The following ZNF469 variants were observed in gnomAD, a reference collection of about 807,000 sequenced individuals.
The protein encoded by ZNF469 is zinc finger protein 469.
A neutral mutation model predicts 1.0 loss-of-function variants in ZNF469; 1 was observed. That is an observed-to-expected ratio of 1.00 (90% CI 0.35 to 4.73). ZNF469 has a LOEUF of 4.73. ZNF469 is among the 30% of genes most tolerant of loss of function. The probability of loss-of-function intolerance (pLI) is 0.16; values close to 1 mark genes in which losing one functional copy is unlikely to be tolerated. For synonymous variants in ZNF469, 2,703 were observed against 2,363.4 expected, an observed-to-expected ratio of 1.14 and a Z score of -4.17; for missense variants, 6,100 against 5,356.3, an observed-to-expected ratio of 1.14 and a Z score of -4.33.
the ZNF469 span, among the ~76,000 whole-genome samples, chr16:88,358,837 G>C: frequency 1.3e-5 from 2 of 152,130 alleles, 1 homozygote; most frequent in Admixed American, 1.3e-4. Context: ...TCCTGCCTCA[G>C]CCTCCTGAGT....
the ZNF469 span, among the ~76,000 whole-genome samples, chr16:88,221,551 G>A: frequency 0.41 from 62,649 of 152,048 alleles, 13,475 homozygotes; most frequent in Non-Finnish European, 0.49. Flanking sequence ...CGGAGAAGGG[G>A]CCTGGCTGCT....
the ZNF469 span, among the ~76,000 whole-genome samples, chr16:88,198,964 C>T: frequency 2.6e-5 from 4 of 152,192 alleles, no homozygotes; most frequent in Admixed American, 2.0e-4. Flanking sequence ...ACGCTGCTGC[C>T]GCCTCATGTT....
Position 88,432,402 on chromosome 16 carries a change from G to A in ZNF469, c.4932G>A (p.Val1644=). The change falls in exon 3 of 3, where the codon GTG becomes GTA. Residue 1644 remains valine (V), a synonymous_variant. Coordinates refer to ENST00000565624, the MANE Select transcript of ZNF469 (RefSeq NM_001367624.2). ...TAHREGAESA[V]ATVEAVQGRP... ...ATCGGGAGGGTGCGGAATCGGCTGT[G>A]GCCACCGTGGAAGCGGTTCAGGGGA... The A allele has an allele frequency of 6.5e-7, 1 of 1,549,812 alleles. No homozygotes were observed. Among genetic ancestry groups the A allele is most frequent in the East Asian group, 2.4e-5 (1 of 40,916 alleles).
At chr16:88,143,345 C>G in the ZNF469 span, among the ~76,000 whole-genome samples, 1 of 152,238 alleles carries the variant, frequency 6.6e-6, no homozygotes, top group African/African-American at 2.4e-5. Flanking sequence ...TAAGGAGGCA[C>G]CACTCAGAGC....
chr16:88,251,323 A>C, the ZNF469 span, among the ~76,000 whole-genome samples: 32,889 of 151,968 alleles, frequency 0.22, 4,510 homozygotes, highest in East Asian at 0.3. Context: ...TGTTTTGTTG[A>C]ATGTCATTTA....
the ZNF469 span, among the ~76,000 whole-genome samples, chr16:88,281,485 T>G: frequency 6.8e-6 from 1 of 146,944 alleles, no homozygotes; most frequent in Non-Finnish European, 1.5e-5. Flanking sequence ...GTGTCAATTT[T>G]GGCGCACAGA....
At chr16:88,116,588 C>A in the ZNF469 span, among the ~76,000 whole-genome samples, 5 of 152,212 alleles carry the variant, frequency 3.3e-5, no homozygotes, top group Admixed American at 3.3e-4. Context: ...GTGGAGACAA[C>A]CCAAGCGTCC....
the ZNF469 span, among the ~76,000 whole-genome samples, chr16:88,135,074 C>T: frequency 6.6e-6 from 1 of 152,242 alleles, no homozygotes; most frequent in African/African-American, 2.4e-5. Flanking sequence ...GGGCGAGGCC[C>T]CGGGCAGAAG....
the ZNF469 span, among the ~76,000 whole-genome samples, chr16:88,125,419 C>T: frequency 6.6e-6 from 1 of 152,226 alleles, no homozygotes; most frequent in East Asian, 1.9e-4. Flanking sequence ...CTCCCTAAGT[C>T]ATTCTATGAA....
chr16:88,275,132 A>G, the ZNF469 span, among the ~76,000 whole-genome samples: 8 of 152,274 alleles, frequency 5.3e-5, no homozygotes, highest in East Asian at 1.4e-3. Flanking sequence ...GAAACGATTA[A>G]TTAATTAGAC....
chr16:88,380,526 CTA>C (rs1441233484), upstream of ZNF469, among the ~76,000 whole-genome samples: 1 of 111,266 alleles, frequency 9.0e-6, no homozygotes, highest in African/African-American at 3.6e-5. Flanking sequence ...CACACACGCA[CTA>C]ACACACACGC....
At chr16:88,349,703 A>ACACC in the ZNF469 span, among the ~76,000 whole-genome samples, 1 of 49,870 alleles carries the variant, frequency 2.0e-5, no homozygotes, top group South Asian at 7.3e-4. Flanking sequence ...CAATACACAC[A>ACACC]CCACACAAGT....
chr16:88,379,745 G>A (rs2092516303), upstream of ZNF469, among the ~76,000 whole-genome samples: 1 of 152,156 alleles, frequency 6.6e-6, no homozygotes, highest in Non-Finnish European at 1.5e-5. Flanking sequence ...AAAGCAGGTG[G>A]GTGTGGAACA....
rs1433025035 is a variant in ZNF469 at position 88,427,848 on chromosome 16, C to T, written c.378C>T (p.Ser126=). 1 of 1,549,278 alleles carries T rather than the reference C, an allele frequency of 6.5e-7. No homozygotes were observed. Among genetic ancestry groups the T allele is most frequent in the Admixed American group, 2.0e-5 (1 of 50,994 alleles). The change falls in exon 3 of 3, where the codon AGC becomes AGT. Residue 126 remains serine, a synonymous_variant. Coordinates refer to ENST00000565624, the MANE Select transcript of ZNF469 (RefSeq NM_001367624.2). ...AGCGCTACATTCTGGGCATCGCCAG[C>T]TCGAGGACCAAGCCCACCCTGGACG... ...PPQRYILGIA[S]SRTKPTLDET... is the part of the protein sequence containing the mutation.
At chr16:88,200,180 C>T in the ZNF469 span, among the ~76,000 whole-genome samples, 1 of 152,148 alleles carries the variant, frequency 6.6e-6, no homozygotes, top group Non-Finnish European at 1.5e-5. Flanking sequence ...CACCAAACCC[C>T]GGCAGGCTTC....
At chr16:88,142,884 G>T in the ZNF469 span, among the ~76,000 whole-genome samples, 1 of 152,194 alleles carries the variant, frequency 6.6e-6, no homozygotes, top group African/African-American at 2.4e-5. Flanking sequence ...GGGACGGATG[G>T]CATCGTCACC....
At chr16:88,117,642 A>G in the ZNF469 span, among the ~76,000 whole-genome samples, 33 of 39,126 alleles carry the variant, frequency 8.4e-4, no homozygotes, top group African/African-American at 3.3e-3. Context: ...ACCGTGGGAA[A>G]GTGCCACGTG....
At chr16:88,225,378 C>A in the ZNF469 span, among the ~76,000 whole-genome samples, 67 of 152,316 alleles carry the variant, frequency 4.4e-4, no homozygotes, top group African/African-American at 1.5e-3. Flanking sequence ...ATCCCAAAAT[C>A]TTATAGAGTG....
At chr16:88,301,787 A>C in the ZNF469 span, among the ~76,000 whole-genome samples, 5 of 152,274 alleles carry the variant, frequency 3.3e-5, no homozygotes, top group Admixed American at 2.6e-4. Flanking sequence ...ACTGAGAAAC[A>C]GGCCTCACCT....
Sources: allele counts gnomAD v4.1 joint callset (sites outside exome capture counted in the v4.1 genomes callset), GRCh38; gene constraint gnomAD v4.1.1; transcripts MANE v1.5; gene names NCBI Gene and HGNC (gene_info 2026-07-23, HGNC 2026-07-21).